Variants in HPSE2 observed in about 807,000 individuals in gnomAD.
HPSE2 encodes the protein heparanase 2 (inactive), also known as inactive heparanase-2.
In HPSE2, 38 loss-of-function variants were observed where a neutral mutation model predicts 60.5. That is an observed-to-expected ratio of 0.63 (90% CI 0.48 to 0.82). The LOEUF (loss-of-function observed/expected upper bound fraction) is 0.82. Among genes scored for constraint, HPSE2 ranks in the 40% least tolerant of loss-of-function variants. The pLI is 0.00. For missense variants in HPSE2, 713 were observed against 740.4 expected, an observed-to-expected ratio of 0.96 and a Z score of 0.43; for synonymous variants, 295 against 293.2, an observed-to-expected ratio of 1.01 and a Z score of -0.06.
chr10:99,203,433 A>G (rs1453876683), intron 2 of HPSE2, among the ~76,000 whole-genome samples: 1 of 152,024 alleles, frequency 6.6e-6, no homozygotes, highest in South Asian at 2.1e-4. Context: ...CAGACCATCC[A>G]AGCCAGGTCA....
intron 7 of HPSE2, among the ~76,000 whole-genome samples, chr10:98,634,547 T>G (rs550219909): frequency 1.3e-5 from 2 of 152,256 alleles, no homozygotes; most frequent in South Asian, 2.1e-4. Flanking sequence ...GCTCTTTTCT[T>G]CTTATTTACT....
chr10:99,216,258 G>A (rs999244159), intron 2 of HPSE2, among the ~76,000 whole-genome samples: 4 of 136,814 alleles, frequency 2.9e-5, no homozygotes, highest in East Asian at 2.3e-4. Context: ...GCAGTGGCAC[G>A]ATCTTGGCTC....
chr10:98,614,701 A>ATGTGTG (rs141443710), intron 9 of HPSE2, among the ~76,000 whole-genome samples: 160 of 149,016 alleles, frequency 1.1e-3, no homozygotes, highest in Admixed American at 8.1e-3. Flanking sequence ...GAGTGAACAG[A>ATGTGTG]TGTGTGTGTG....
At chr10:99,138,016 A>G (rs186037367) in intron 3 of HPSE2, among the ~76,000 whole-genome samples, 1 of 152,358 alleles carries the variant, frequency 6.6e-6, no homozygotes, top group East Asian at 1.9e-4. Flanking sequence ...AACATCCAGA[A>G]TCTACAAAGA....
At chr10:99,137,242 C>T (rs962442430) in intron 3 of HPSE2, among the ~76,000 whole-genome samples, 20 of 151,980 alleles carry the variant, frequency 1.3e-4, no homozygotes, top group African/African-American at 4.4e-4. Flanking sequence ...AAATAAAAGA[C>T]GACACAAACA....
At chr10:98,782,927 T>A (rs1194772827) in intron 3 of HPSE2, among the ~76,000 whole-genome samples, 318 of 6,598 alleles carry the variant, frequency 0.048, 6 homozygotes, top group African/African-American at 0.19. Flanking sequence ...TTTTTTTTTA[T>A]TTTTTTTTTT....
intron 3 of HPSE2, among the ~76,000 whole-genome samples, chr10:99,004,054 T>C (rs530702326): frequency 4.6e-5 from 7 of 152,212 alleles, no homozygotes; most frequent in Middle Eastern, 3.4e-3. Context: ...TAAGTATAGT[T>C]ACCCTGCTCT....
At chr10:98,861,867 C>A (rs543694676) in intron 3 of HPSE2, among the ~76,000 whole-genome samples, 2 of 152,148 alleles carry the variant, frequency 1.3e-5, no homozygotes, top group South Asian at 4.1e-4. Context: ...TGGTAAAGAA[C>A]GTGGCAACTG....
Position 99,133,198 on chromosome 10 carries a change from T to C in HPSE2, c.610+11040A>G, listed in dbSNP as rs141228132. Among the ~76,000 whole-genome samples, 439 of 152,300 alleles carry C rather than the reference T, an allele frequency of 2.9e-3. 3 individuals carry two copies. Among genetic ancestry groups the C allele is most frequent in the Non-Finnish European group, 5.2e-3 (351 of 68,024 alleles). On this transcript the variant is annotated intron_variant, in intron 3 of 11. Coordinates refer to ENST00000370552, the MANE Select transcript of HPSE2 (RefSeq NM_021828.5). ...TGGCCAGACTGCCAGATTTCCCTTC[T>C]CTGGGCAGGGCATGTCTGAAAAAAA...
chr10:98,955,907 A>G (rs367902232), intron 3 of HPSE2, among the ~76,000 whole-genome samples: 16 of 152,068 alleles, frequency 1.1e-4, no homozygotes, highest in African/African-American at 3.6e-4. Flanking sequence ...GCTGAACAAC[A>G]AGAACACATG....
chr10:98,461,230 G>A (rs541449685), intron 11 of HPSE2, among the ~76,000 whole-genome samples: 1 of 152,396 alleles, frequency 6.6e-6, no homozygotes. Flanking sequence ...TCCCAATGGA[G>A]AGCTAGGCAG....
At chr10:98,609,257 T>G (rs540700674) in intron 9 of HPSE2, among the ~76,000 whole-genome samples, 4 of 152,308 alleles carry the variant, frequency 2.6e-5, no homozygotes, top group Admixed American at 2.6e-4. Context: ...CTTGTCTATC[T>G]CCCTATCTCT....
At chr10:99,077,596 ATGTG>A (rs772172632) in intron 3 of HPSE2, among the ~76,000 whole-genome samples, 9 of 151,758 alleles carry the variant, frequency 5.9e-5, no homozygotes, top group Middle Eastern at 3.4e-3. Flanking sequence ...GTATGTGTAT[ATGTG>A]TGTGTATCGA....
At chr10:99,049,823 A>C (rs1400300594) in intron 3 of HPSE2, among the ~76,000 whole-genome samples, 1 of 152,190 alleles carries the variant, frequency 6.6e-6, no homozygotes, top group Admixed American at 6.5e-5. Flanking sequence ...ACCAGGAGAA[A>C]ATATTTTTTG....
In HPSE2 at chr10:99,048,650, C is replaced by A. The variant is rs1957917100; in HGVS notation, c.610+95588G>T. ...TTTTTGGGAATGTAAGTTAGTTCAA[C>A]CACTGTGGCAAGCAGTTTAGAGGTT... is the stretch of plus-strand genomic sequence containing the variant. On this transcript the variant is annotated intron_variant, in intron 3 of 11. Transcript: ENST00000370552. 4.6e-5 allele frequency among the ~76,000 whole-genome samples: 7 copies of A among 152,226 alleles called. No individual in the cohort carries two copies. The South Asian group carries it at 1.5e-3, about 32-fold the overall frequency.
intron 3 of HPSE2, among the ~76,000 whole-genome samples, chr10:99,031,313 G>A (rs555642255): frequency 1.3e-3 from 197 of 152,176 alleles, no homozygotes; most frequent in African/African-American, 4.6e-3. Context: ...TTAATGTGAA[G>A]AATTTTCTAT....
chr10:98,463,615 A>G (rs564314059), intron 11 of HPSE2, among the ~76,000 whole-genome samples: 1 of 151,730 alleles, frequency 6.6e-6, no homozygotes, highest in South Asian at 2.1e-4. Flanking sequence ...CAGCCTGGGC[A>G]ACATAGTGAG....
the HPSE2 span, among the ~76,000 whole-genome samples, chr10:99,267,369 G>A: frequency 3.3e-5 from 5 of 151,870 alleles, no homozygotes; most frequent in African/African-American, 1.2e-4. Flanking sequence ...AATCAAACAA[G>A]CAGAAGAAAG....
At chr10:98,647,051 C>G (rs987777094) in intron 6 of HPSE2, among the ~76,000 whole-genome samples, 2 of 152,220 alleles carry the variant, frequency 1.3e-5, no homozygotes, top group Non-Finnish European at 2.9e-5. Context: ...CCAAGCCCAT[C>G]TCACAGGGAT....
Sources: gnomAD v4.1 joint callset for allele counts (sites outside exome capture counted in the v4.1 genomes callset) on GRCh38, gnomAD v4.1.1 for gene constraint, MANE v1.5 for transcripts, NCBI Gene and HGNC (gene_info 2026-07-23, HGNC 2026-07-21) for gene names.